The following SLC41A3 variants were observed in gnomAD, a reference collection of about 807,000 sequenced individuals.
SLC41A3 encodes the protein solute carrier family 41 member 3, also known as SLC41A1-like 2.
A neutral mutation model predicts 45.4 loss-of-function variants in SLC41A3; 44 were observed. That is an observed-to-expected ratio of 0.97 (90% CI 0.76 to 1.25). The LOEUF is 1.25. Ranked by LOEUF, SLC41A3 falls within the 50% of genes most tolerant of loss-of-function variation. SLC41A3 has a pLI of 0.00. For synonymous variants in SLC41A3, 256 were observed against 252.4 expected (o/e 1.01, Z -0.13); for missense variants, 550 against 600.6 (o/e 0.92, Z 0.88).
At chr3:126,039,347 C>G (rs905898021) in intron 3 of SLC41A3, among the ~76,000 whole-genome samples, 2 of 152,186 alleles carry the variant, frequency 1.3e-5, no homozygotes, top group Non-Finnish European at 2.9e-5. Flanking sequence ...TTGCATTTAG[C>G]CACAGCTCCT....
chr3:126,054,657 ATTACCT>A (rs55977920), intron 2 of SLC41A3, among the ~76,000 whole-genome samples: 52,235 of 151,108 alleles, frequency 0.35, 9,268 homozygotes, highest in East Asian at 0.51. Flanking sequence ...AAATTGCTAC[ATTACCT>A]TTAAAGTCCA....
Position 126,026,282 on chromosome 3 carries a change from G to A in SLC41A3, c.598+53C>T, listed in dbSNP as rs530056212. 9.7e-6 allele frequency: 15 copies of A among 1,545,316 alleles called. No homozygotes were observed. The East Asian group carries it at 1.7e-4, about 18-fold the overall frequency. On this transcript the variant is annotated intron_variant, in intron 5 of 10. Coordinates refer to ENST00000360370, the MANE Select transcript of SLC41A3 (RefSeq NM_017836.4). This position sits in a 1 kb window ranked among gnomAD's most constrained non-coding sequence, Gnocchi z 4.2. The stretch of plus-strand genomic sequence containing the variant: ...GAAAACACAATGAGCTCTGAGGTGG[G>A]ACCTCAGAGGAGCAGGGAGCGGGTG...
Position 126,044,895 on chromosome 3 carries a change from C to CAAAAAAAAAAAAAAAAAAA in SLC41A3, c.381+6029_381+6047dup, listed in dbSNP as rs57581225. 1.7e-4 allele frequency among the ~76,000 whole-genome samples: 14 copies of CAAAAAAAAAAAAAAAAAAA among 82,718 alleles called. 1 individual carries two copies. Among genetic ancestry groups the CAAAAAAAAAAAAAAAAAAA allele is most frequent in the Admixed American group, 2.5e-4 (2 of 7,920 alleles). The allele number at this position is 82,718 out of a possible 152,430, so 54.3% of individuals were successfully genotyped here. On this transcript the variant is annotated intron_variant, in intron 3 of 10. Coordinates refer to ENST00000360370, the MANE Select transcript of SLC41A3 (RefSeq NM_017836.4). ...TGGGCGACAGAGCGAGACTCCATCT[C>CAAAAAAAAAAAAAAAAAAA]AAAAAAAAAAAAAAAAAAAAAAAAA...
At chr3:126,029,033 T>C (rs548017485) in intron 4 of SLC41A3, among the ~76,000 whole-genome samples, 2 of 152,372 alleles carry the variant, frequency 1.3e-5, no homozygotes, top group South Asian at 2.1e-4. Flanking sequence ...TATAGGCTCA[T>C]AGTTAGAAGG....
chr3:126,100,056 C>A (rs947037690), intron 1 of SLC41A3, among the ~76,000 whole-genome samples: 5 of 152,070 alleles, frequency 3.3e-5, no homozygotes, highest in African/African-American at 1.2e-4. Context: ...TTGAGCTTGC[C>A]CAAAAGGGGT....
intron 3 of SLC41A3, among the ~76,000 whole-genome samples, chr3:126,049,058 T>G (rs180719449): frequency 1.6e-4 from 25 of 152,340 alleles, no homozygotes; most frequent in Admixed American, 1.4e-3. Flanking sequence ...CCCAGCACTT[T>G]GGGAGGCCAA....
At chr3:126,011,125 G>A (rs113017718) in intron 9 of SLC41A3, among the ~76,000 whole-genome samples, 1,718 of 152,184 alleles carry the variant, frequency 0.011, 28 homozygotes, top group African/African-American at 0.039. Flanking sequence ...CCTGAAAGCC[G>A]TTCTAATGAA....
Position 126,059,263 on chromosome 3 carries a change from G to GAAAGAAAGAAAGA in SLC41A3, c.274-8214_274-8213insTCTTTCTTTCTTT, listed in dbSNP as rs5852464. Among the ~76,000 whole-genome samples, 20 of 11,742 alleles carry GAAAGAAAGAAAGA rather than the reference G, an allele frequency of 1.7e-3. 3 individuals carry two copies. Among genetic ancestry groups the GAAAGAAAGAAAGA allele is most frequent in the East Asian group, 8.8e-3 (3 of 342 alleles). The allele number at this position is 11,742 out of a possible 152,430, so 7.7% of individuals were successfully genotyped here. A position where few individuals can be genotyped will look rare whatever the true frequency, so the allele number is the denominator to read the frequency against. On this transcript the variant is annotated intron_variant, in intron 2 of 10. Transcript: ENST00000360370. Reference sequence around the variant, plus strand: ...AGAAAGAAAGAAAGAAAGAAAGAAAGAAGAAAGAAAGAAAGAAAGAAAGAA... The same window carrying GAAAGAAAGAAAGA: ...AGAAAGAAAGAAAGAAAGAAAGAAAGAAAGAAAGAAAGAAAGAAAGAAAGAAAGAAAGAAAGAA...
intron 7 of SLC41A3, among the ~76,000 whole-genome samples, chr3:126,016,221 G>A (rs891300708): frequency 3.3e-5 from 5 of 152,244 alleles, no homozygotes; most frequent in African/African-American, 1.2e-4. Context: ...GGAGGGTGGT[G>A]GACCTGGGCT....
chr3:126,068,583 G>A (rs565803311), intron 1 of SLC41A3, among the ~76,000 whole-genome samples: 3 of 152,248 alleles, frequency 2.0e-5, no homozygotes, highest in Non-Finnish European at 2.9e-5. Flanking sequence ...AACTCTTACT[G>A]ATACCAAAGG....
intron 1 of SLC41A3, chr3:126,095,245 C>A: frequency 1.4e-6 from 1 of 690,076 alleles, no homozygotes; most frequent in Non-Finnish European, 2.6e-6. Flanking sequence ...TTATCATGAG[C>A]CAGATGCCAA....
At chr3:126,041,286 G>T (rs898259865) in intron 3 of SLC41A3, among the ~76,000 whole-genome samples, 1 of 151,794 alleles carries the variant, frequency 6.6e-6, no homozygotes, top group Non-Finnish European at 1.5e-5. Flanking sequence ...GTGGGGGAAT[G>T]AATATAAAAA....
chr3:126,083,264 G>A lies in SLC41A3; in HGVS notation c.-28+829C>T, dbSNP rs574070371. Among the ~76,000 whole-genome samples the A allele has an allele frequency of 9.9e-5, 15 of 152,260 alleles. No individual in the cohort carries two copies. In the South Asian group the frequency reaches 2.9e-3, roughly 30 times the overall value. On this transcript the variant is annotated intron_variant, in intron 1 of 10. Coordinates refer to ENST00000360370, the MANE Select transcript of SLC41A3 (RefSeq NM_017836.4). Reference sequence around the variant, plus strand: ...AGGTCAGGGTGGGGCTGGGGAACCCGCATTTCTAGCAGATCTCAGGAAAGG... The same window carrying A: ...AGGTCAGGGTGGGGCTGGGGAACCCACATTTCTAGCAGATCTCAGGAAAGG...
chr3:126,023,211 C>G (rs1941057211), intron 5 of SLC41A3: 2 of 342,166 alleles, frequency 5.8e-6, no homozygotes, highest in Non-Finnish European at 1.1e-5. Flanking sequence ...CCCGTGGCTC[C>G]CGAGCTCCCA....
intron 2 of SLC41A3, among the ~76,000 whole-genome samples, chr3:126,059,287 AAAGAAAGAAAGAAAGAAAGAAAGGAAG>A (rs1332709112): frequency 3.2e-4 from 41 of 127,262 alleles, no homozygotes; most frequent in African/African-American, 9.5e-4. Flanking sequence ...AGAAAGAAAG[AAAGAAAGAAAGAAAGAAAGAAAGGAAG>A]GATGATCTGT....
chr3:126,072,301 C>T (rs1944655891), intron 1 of SLC41A3, among the ~76,000 whole-genome samples: 1 of 146,228 alleles, frequency 6.8e-6, no homozygotes, highest in African/African-American at 2.6e-5. Context: ...CAAACTAAAC[C>T]CAAAAAAGTA....
intron 4 of SLC41A3, among the ~76,000 whole-genome samples, chr3:126,028,891 C>T (rs1941580556): frequency 6.6e-6 from 1 of 152,236 alleles, no homozygotes; most frequent in African/African-American, 2.4e-5. Context: ...ATGACTGCCC[C>T]ACTAAGTTTC....
intron 2 of SLC41A3, among the ~76,000 whole-genome samples, chr3:126,053,279 A>G (rs1270891195): frequency 6.6e-6 from 1 of 152,220 alleles, no homozygotes; most frequent in Admixed American, 6.5e-5. Flanking sequence ...TAGGACCTAG[A>G]CATGCACAGA....
intron 3 of SLC41A3, among the ~76,000 whole-genome samples, chr3:126,047,832 C>A (rs1943063037): frequency 6.6e-6 from 1 of 152,042 alleles, no homozygotes; most frequent in African/African-American, 2.4e-5. Context: ...TTAGATTTGG[C>A]AATGATTTCT....
Sources: gnomAD v4.1 joint callset for allele counts (sites outside exome capture counted in the v4.1 genomes callset) on GRCh38, gnomAD v4.1.1 for gene constraint, Gnocchi (gnomAD v3.1) non-coding constraint, MANE v1.5 for transcripts, NCBI Gene and HGNC (gene_info 2026-07-23, HGNC 2026-07-21) for gene names.